SMAD2: variants seen among roughly 807,000 people sequenced by gnomAD.
SMAD2 encodes SMAD family member 2.
A neutral mutation model predicts 64.4 loss-of-function variants in SMAD2; 8 were observed. The observed-to-expected ratio is 0.12, with a 90% CI of 0.07 to 0.22. SMAD2 has a LOEUF of 0.22. Among genes scored for constraint, SMAD2 ranks in the 10% least tolerant of loss-of-function variants. The probability of loss-of-function intolerance (pLI) is 1.00; values close to 1 mark genes in which losing one functional copy is unlikely to be tolerated. For synonymous variants in SMAD2, 203 were observed against 195.8 expected, an observed-to-expected ratio of 1.04 and a Z score of -0.31; for missense variants, 289 against 561.2, an observed-to-expected ratio of 0.51 and a Z score of 4.90.
chr18:47,850,384 A>ATACATATTATG (rs1555646299), intron 7 of SMAD2, among the ~76,000 whole-genome samples: 1 of 22,186 alleles, frequency 4.5e-5, no homozygotes, highest in African/African-American at 3.3e-4. Context: ...TATATATATT[A>ATACATATTATG]TATAATATAT....
chr18:47,925,954 A>G (rs2034744970), intron 1 of SMAD2, among the ~76,000 whole-genome samples: 1 of 152,236 alleles, frequency 6.6e-6, no homozygotes, highest in Admixed American at 6.5e-5. Context: ...AATCTCGAGC[A>G]TACTCTATCT....
At position 47,817,785 on chromosome 18, in the gene SMAD2, TC is replaced by T. The variant is rs1912421752; in HGVS notation, c.*24041del. The T allele has an allele frequency of 6.6e-6, 1 of 152,346 alleles. No individual in the cohort carries two copies. Among genetic ancestry groups the T allele is most frequent in the African/African-American group, 2.4e-5 (1 of 41,578 alleles). 9.4% of individuals were successfully genotyped at this position (152,346 alleles called of 1,614,324 possible). ...CTCTTTTCCCCTGTTTCTGAACATC[TC>T]CCAAGAGCAAAAATAAACATTCTAA... On this transcript the variant is annotated 3_prime_UTR_variant, in exon 11 of 11. Coordinates refer to ENST00000262160, the MANE Select transcript of SMAD2 (RefSeq NM_005901.6).
intron 6 of SMAD2, among the ~76,000 whole-genome samples, chr18:47,855,566 T>G (rs534919396): frequency 6.6e-6 from 1 of 152,276 alleles, no homozygotes; most frequent in Non-Finnish European, 1.5e-5. Context: ...ATTTTTTATT[T>G]CTCCTTCATT....
intron 2 of SMAD2, among the ~76,000 whole-genome samples, chr18:47,876,586 T>C (rs2032276705): frequency 6.6e-6 from 1 of 152,054 alleles, no homozygotes; most frequent in Admixed American, 6.6e-5. Context: ...CATACTAATA[T>C]AGCAACTACC....
At chr18:47,876,685 A>G (rs2032282124) in intron 2 of SMAD2, among the ~76,000 whole-genome samples, 1 of 152,116 alleles carries the variant, frequency 6.6e-6, no homozygotes, top group Admixed American at 6.6e-5. Flanking sequence ...TTCCCTAGTA[A>G]TAACTTTTAC....
Position 47,867,943 on chromosome 18 carries a change from A to T in SMAD2, c.655+380T>A, listed in dbSNP as rs1263903239. ...CCAAGTTATCTAAGAAAAAGTGATC[A>T]TTGGGTGGATATTCAGTTACATGTG... On this transcript the variant is annotated intron_variant, in intron 5 of 10. Transcript: ENST00000262160. 3.3e-5 allele frequency among the ~76,000 whole-genome samples: 5 copies of T among 152,172 alleles called. No homozygotes were observed. The East Asian group carries it at 9.6e-4, about 29-fold the overall frequency.
At chr18:47,876,274 G>A (rs547233195) in intron 2 of SMAD2, among the ~76,000 whole-genome samples, 2 of 152,000 alleles carry the variant, frequency 1.3e-5, no homozygotes, top group South Asian at 2.1e-4. Flanking sequence ...GCAAAAATTG[G>A]TCTCATAAAT....
At chr18:47,842,204 A>G (rs1210850547) in intron 10 of SMAD2, among the ~76,000 whole-genome samples, 1 of 152,160 alleles carries the variant, frequency 6.6e-6, no homozygotes, top group Non-Finnish European at 1.5e-5. Flanking sequence ...ATTATTCACC[A>G]TCATCCAAAA....
chr18:47,870,461 G>A lies in SMAD2; in HGVS notation c.326+14C>T, dbSNP rs777261587. 1.3e-6 allele frequency: 2 copies of A among 1,583,122 alleles called. No individual in the cohort carries two copies. Among genetic ancestry groups the A allele is most frequent in the Non-Finnish European group, 1.7e-6 (2 of 1,151,964 alleles). ...ACAAGATCTCTAAGATTCGACAGAG[G>A]GCAGAATATTCACCTGGTTTGTTCA... On this transcript the variant is annotated intron_variant, in intron 3 of 10. Coordinates refer to ENST00000262160, the MANE Select transcript of SMAD2 (RefSeq NM_005901.6).
chr18:47,830,974 T>A lies in SMAD2; in HGVS notation c.*10853A>T, dbSNP rs1912967790. ...TTTCACTTAATACACACACACACAC[T>A]AGGGTTTATATGTAGCAACTTCCTC... On this transcript the variant is annotated 3_prime_UTR_variant, in exon 11 of 11. Transcript: ENST00000262160. The A allele has an allele frequency of 6.7e-6, 1 of 150,256 alleles. No homozygotes were observed. The highest frequency in any genetic ancestry group is 2.5e-5 in the African/African-American group (1 of 40,270). 9.3% of individuals were successfully genotyped at this position (150,256 alleles called of 1,614,324 possible).
At chr18:47,911,224 G>A (rs761847084) in intron 1 of SMAD2, among the ~76,000 whole-genome samples, 2 of 152,114 alleles carry the variant, frequency 1.3e-5, no homozygotes, top group Non-Finnish European at 2.9e-5. Context: ...GGTGGCGAGT[G>A]CCTGTAGTCC....
In SMAD2 at chr18:47,831,399, C is replaced by G. The variant is rs1293660411; in HGVS notation, c.*10428G>C. ...TATTCTGCCCATCTTCTTCCTGGAC[C>G]AAACTGTTCAGAAGTTAACTTCTTT... On this transcript the variant is annotated 3_prime_UTR_variant, in exon 11 of 11. Coordinates refer to ENST00000262160, the MANE Select transcript of SMAD2 (RefSeq NM_005901.6). 2 of 152,206 alleles carry G rather than the reference C, an allele frequency of 1.3e-5. No individual in the cohort carries two copies. Among genetic ancestry groups the G allele is most frequent in the Non-Finnish European group, 2.9e-5 (2 of 68,040 alleles). 9.4% of individuals were successfully genotyped at this position (152,206 alleles called of 1,614,324 possible). A position where few individuals can be genotyped will look rare whatever the true frequency, so the allele number is the denominator to read the frequency against.
chr18:47,837,842 T>C lies in SMAD2; in HGVS notation c.*3985A>G. On this transcript the variant is annotated 3_prime_UTR_variant, in exon 11 of 11. Coordinates refer to ENST00000262160, the MANE Select transcript of SMAD2 (RefSeq NM_005901.6). Reference sequence around the variant, plus strand: ...AGGGGCTTGGGAGGGAAGGCGCAAATTGGAATGTTCAGCTTTTAAAGTAAA... The same window carrying C: ...AGGGGCTTGGGAGGGAAGGCGCAAACTGGAATGTTCAGCTTTTAAAGTAAA... 2 of 232,816 alleles carry C rather than the reference T, an allele frequency of 8.6e-6. No homozygotes were observed. The highest frequency in any genetic ancestry group is 6.0e-5 in the East Asian group (1 of 16,606). 14.4% of individuals were successfully genotyped at this position (232,816 alleles called of 1,614,324 possible). A position where few individuals can be genotyped will look rare whatever the true frequency, so the allele number is the denominator to read the frequency against.
chr18:47,929,661 C>T (rs1171936792), intron 1 of SMAD2, among the ~76,000 whole-genome samples: 1 of 152,114 alleles, frequency 6.6e-6, no homozygotes, highest in Admixed American at 6.5e-5. Context: ...AAAGGAATAA[C>T]AAAACCAACC....
At chr18:47,847,597 C>A (rs1487466136) in intron 8 of SMAD2, among the ~76,000 whole-genome samples, 2 of 120,230 alleles carry the variant, frequency 1.7e-5, no homozygotes, top group African/African-American at 3.2e-5. Context: ...TACATATTAA[C>A]AATGTTTATA....
chr18:47,890,805 C>G (rs892730914), intron 2 of SMAD2, among the ~76,000 whole-genome samples: 48 of 152,128 alleles, frequency 3.2e-4, no homozygotes, highest in African/African-American at 1.1e-3. Context: ...AAGAATTATC[C>G]TATTATGAAA....
In SMAD2 at chr18:47,871,718, C is replaced by CTTT. The variant is rs2031943891; in HGVS notation, c.237-1155_237-1154insAAA. Among the ~76,000 whole-genome samples the CTTT allele has an allele frequency of 1.3e-5, 2 of 152,120 alleles. 1 individual carries two copies. The highest frequency in any genetic ancestry group is 3.9e-4 in the East Asian group (2 of 5,192). ...ACCAGACTATAAAAGCCAGAAAAAG[C>CTTT]CAGGTAAATTAAGGCTTAGACCTTT... is the stretch of plus-strand genomic sequence containing the variant. On this transcript the variant is annotated intron_variant, in intron 2 of 10. Transcript: ENST00000262160.
chr18:47,915,928 C>T (rs964039025), intron 1 of SMAD2, among the ~76,000 whole-genome samples: 1 of 152,024 alleles, frequency 6.6e-6, no homozygotes, highest in Non-Finnish European at 1.5e-5. Context: ...TTTTTAACAC[C>T]CTTTTGAAAG....
Position 47,830,721 on chromosome 18 carries a change from G to C in SMAD2, c.*11106C>G, listed in dbSNP as rs1248774658. On this transcript the variant is annotated 3_prime_UTR_variant, in exon 11 of 11. Transcript: ENST00000262160. ...TCAAATACTGCCACAATATAGTTTA[G>C]AGGCAAGACCTCTCATGAAGAAAAA... The C allele has an allele frequency of 6.5e-6, 1 of 153,052 alleles. No individual in the cohort carries two copies. Among genetic ancestry groups the C allele is most frequent in the Non-Finnish European group, 1.5e-5 (1 of 68,582 alleles). The allele number at this position is 153,052 out of a possible 1,614,324, so 9.5% of individuals were successfully genotyped here. A position where few individuals can be genotyped will look rare whatever the true frequency, so the allele number is the denominator to read the frequency against.
Sources: gnomAD v4.1 joint callset for allele counts (sites outside exome capture counted in the v4.1 genomes callset) on GRCh38, gnomAD v4.1.1 for gene constraint, MANE v1.5 for transcripts, NCBI Gene and HGNC (gene_info 2026-07-23, HGNC 2026-07-21) for gene names.